The following PALS2 variants were observed in gnomAD, a reference collection of about 807,000 sequenced individuals.
PALS2 encodes protein associated with LIN7 2, MAGUK p55 family member.
A neutral mutation model predicts 61.6 loss-of-function variants in PALS2; 27 were observed. That is an observed-to-expected ratio of 0.44 (90% CI 0.32 to 0.60). The LOEUF is 0.60. Ranked by LOEUF, PALS2 falls within the 20% of genes least tolerant of loss-of-function variation. The probability of loss-of-function intolerance (pLI) is 0.05; values close to 1 mark genes in which losing one functional copy is unlikely to be tolerated. For missense variants in PALS2, 554 were observed against 639.4 expected (o/e 0.87, Z 1.44); for synonymous variants, 236 against 218.6 (o/e 1.08, Z -0.70).
chr7:24,582,988 G>A (rs1157581111), intron 1 of PALS2, among the ~76,000 whole-genome samples: 2 of 134,408 alleles, frequency 1.5e-5, no homozygotes, highest in African/African-American at 5.6e-5. Context: ...TCTGCCTCCC[G>A]GATTCAAGTG....
intron 1 of PALS2, among the ~76,000 whole-genome samples, chr7:24,587,201 A>G (rs1783100832): frequency 6.6e-6 from 1 of 152,104 alleles, no homozygotes; most frequent in East Asian, 1.9e-4. Context: ...CCTGCATTAT[A>G]TACTGTTAAA....
Position 24,665,568 on chromosome 7 carries a change from A to T in PALS2, c.784-20A>T. On this transcript the variant is annotated intron_variant, in intron 6 of 11. Transcript: ENST00000222644. ...CAAATTTTGGTCACTGAGATGTACA[A>T]TTCATTAATTTGATTCTAGGCTAGC... 6.2e-7 allele frequency: 1 copy of T among 1,608,660 alleles called. No homozygotes were observed. The highest frequency in any genetic ancestry group is 8.5e-7 in the Non-Finnish European group (1 of 1,175,418).
chr7:24,649,591 G>A (rs1374887317), intron 3 of PALS2, 21 bp from the exon 4 acceptor site: 12 of 1,529,694 alleles, frequency 7.8e-6, no homozygotes, highest in South Asian at 1.3e-5. Context: ...AATAACCACA[G>A]GCTATTTTGA....
intron 9 of PALS2, among the ~76,000 whole-genome samples, chr7:24,675,263 G>A (rs909262521): frequency 2.6e-5 from 4 of 151,910 alleles, no homozygotes; most frequent in South Asian, 2.1e-4. Context: ...GGACTTCACC[G>A]AAAAAACATT....
At chr7:24,607,559 G>GTA (rs1455223172) in intron 1 of PALS2, among the ~76,000 whole-genome samples, 1 of 148,018 alleles carries the variant, frequency 6.8e-6, no homozygotes, top group Non-Finnish European at 1.5e-5. Context: ...ATATGTATGT[G>GTA]TATATATACA....
intron 2 of PALS2, among the ~76,000 whole-genome samples, chr7:24,625,148 AG>A (rs1424627816): frequency 6.6e-6 from 1 of 152,154 alleles, no homozygotes; most frequent in Non-Finnish European, 1.5e-5. Flanking sequence ...TAATAGCTCC[AG>A]GGTCTGTTGA....
intron 11 of PALS2, among the ~76,000 whole-genome samples, chr7:24,686,772 G>T (rs1394603770): frequency 6.6e-6 from 1 of 152,158 alleles, no homozygotes; most frequent in African/African-American, 2.4e-5. Flanking sequence ...ATATGTAGAG[G>T]TATAGTGAAA....
Position 24,665,829 on chromosome 7 carries a change from T to C in PALS2, c.883+142T>C. On this transcript the variant is annotated intron_variant, in intron 7 of 11. Transcript: ENST00000222644. ...TCTGCTTTCTCTCGCTCATAAGTAA[T>C]CTTTTTTGATCCCGTTCTGCCACCT... 5.3e-6 allele frequency: 5 copies of C among 952,104 alleles called. No homozygotes were observed. The South Asian group carries it at 6.9e-5, about 13-fold the overall frequency. The allele number at this position is 952,104 out of a possible 1,614,324, so 59.0% of individuals were successfully genotyped here.
At chr7:24,590,483 G>A (rs900377043) in intron 1 of PALS2, among the ~76,000 whole-genome samples, 1 of 151,958 alleles carries the variant, frequency 6.6e-6, no homozygotes, top group African/African-American at 2.4e-5. Flanking sequence ...AGGCAGGTAG[G>A]TATATTTGGA....
At chr7:24,616,616 A>G (rs549027481) in intron 1 of PALS2, among the ~76,000 whole-genome samples, 1 of 152,230 alleles carries the variant, frequency 6.6e-6, no homozygotes. Flanking sequence ...AAATCCATTC[A>G]TCCAGTTTAT....
At chr7:24,624,605 C>CTTTTTTTTTTTT (rs368160704) in intron 2 of PALS2, among the ~76,000 whole-genome samples, 25 of 86,342 alleles carry the variant, frequency 2.9e-4, no homozygotes, top group Non-Finnish European at 2.8e-4. Context: ...GCAGATTCTT[C>CTTTTTTTTTTTT]TTTTTTTTTT....
chr7:24,578,845 C>T (rs1782734277), intron 1 of PALS2, among the ~76,000 whole-genome samples: 1 of 152,178 alleles, frequency 6.6e-6, no homozygotes, highest in South Asian at 2.1e-4. Context: ...CTCGTCTCTC[C>T]TCTTTTTAAA....
intron 8 of PALS2, among the ~76,000 whole-genome samples, chr7:24,668,259 A>G (rs1787130929): frequency 1.3e-5 from 2 of 152,134 alleles, no homozygotes; most frequent in South Asian, 4.2e-4. Flanking sequence ...ACAGTGAGCT[A>G]AGATTGCACC....
rs1406793062 is a variant in PALS2 at position 24,592,438 on chromosome 7, G to T, written c.-3+18845G>T. Among the ~76,000 whole-genome samples the T allele has an allele frequency of 2.0e-5, 3 of 152,158 alleles. No individual in the cohort carries two copies. The East Asian group carries it at 5.8e-4, about 29-fold the overall frequency. On this transcript the variant is annotated intron_variant, in intron 1 of 11. Transcript: ENST00000222644. ...TTGGACTGGCCAGCTAACAGAGGAG[G>T]ATGTGAAGGCCCTTATGCTGTATTA...
At chr7:24,625,260 A>T (rs1446163912) in intron 2 of PALS2, among the ~76,000 whole-genome samples, 1 of 151,922 alleles carries the variant, frequency 6.6e-6, no homozygotes, top group African/African-American at 2.4e-5. Context: ...TTTTCTGTTG[A>T]TTGTCAGTTA....
chr7:24,629,006 G>C (rs1404431285), intron 2 of PALS2, among the ~76,000 whole-genome samples: 2 of 152,056 alleles, frequency 1.3e-5, no homozygotes, highest in Non-Finnish European at 2.9e-5. Context: ...ATTTCATATG[G>C]AACCAAAAAA....
At chr7:24,659,155 A>G (rs1057061052) in intron 5 of PALS2, among the ~76,000 whole-genome samples, 1 of 152,168 alleles carries the variant, frequency 6.6e-6, no homozygotes, top group South Asian at 2.1e-4. Context: ...GCCTCCAGCT[A>G]TGTCCATGTT....
At chr7:24,641,027 A>AT (rs1785523024) in intron 2 of PALS2, among the ~76,000 whole-genome samples, 2 of 151,328 alleles carry the variant, frequency 1.3e-5, no homozygotes, top group African/African-American at 2.4e-5. Context: ...AAAAAAAAAA[A>AT]AAAGAATTAC....
chr7:24,618,579 C>T lies in PALS2; in HGVS notation c.-2-5087C>T, dbSNP rs185924591. Among the ~76,000 whole-genome samples the T allele has an allele frequency of 1.2e-4, 18 of 152,362 alleles. No homozygotes were observed. In the East Asian group the frequency reaches 3.5e-3, roughly 29 times the overall value. On this transcript the variant is annotated intron_variant, in intron 1 of 11. Transcript: ENST00000222644. The surrounding 1 kb of genome is among the most constrained non-coding windows in gnomAD (Gnocchi z 5.1). ...ATTCACAGCAGCTCCCCAAACTGGG[C>T]TCAGGGCTTGCAAGGACTGTGGATT...
Sources: gnomAD v4.1 joint callset for allele counts (sites outside exome capture counted in the v4.1 genomes callset) on GRCh38, gnomAD v4.1.1 for gene constraint, Gnocchi (gnomAD v3.1) non-coding constraint, MANE v1.5 for transcripts, NCBI Gene and HGNC (gene_info 2026-07-23, HGNC 2026-07-21) for gene names.